The following EEA1 variants were observed in gnomAD, a reference collection of about 807,000 sequenced individuals.
The protein encoded by EEA1 is early endosome antigen 1, also known as early endosome antigen 1, 162kD.
Under a neutral mutation model 209.2 loss-of-function variants are expected in EEA1, and 111 were observed. The observed-to-expected ratio is 0.53, with a 90% CI of 0.45 to 0.62. The LOEUF is 0.62. EEA1 is among the 20% of genes least tolerant of loss of function. The probability of loss-of-function intolerance (pLI) is 0.00; values close to 1 mark genes in which losing one functional copy is unlikely to be tolerated. For missense variants in EEA1, 1,343 were observed against 1,530.8 expected, an observed-to-expected ratio of 0.88 and a Z score of 2.05; for synonymous variants, 536 against 540.6, an observed-to-expected ratio of 0.99 and a Z score of 0.12.
At chr12:92,887,287 A>T (rs1256486544) in intron 2 of EEA1, among the ~76,000 whole-genome samples, 3 of 152,126 alleles carry the variant, frequency 2.0e-5, no homozygotes, top group South Asian at 4.1e-4. Flanking sequence ...GGAAGTCAAG[A>T]CCAGCCTGCA....
chr12:92,800,825 T>C (rs1874875722), intron 20 of EEA1, among the ~76,000 whole-genome samples: 1 of 152,224 alleles, frequency 6.6e-6, no homozygotes, highest in South Asian at 2.1e-4. Context: ...GGATATAAAT[T>C]TGAACAATCT....
Position 92,852,253 on chromosome 12 carries a change from A to G in EEA1, c.564T>C (p.Ala188=), listed in dbSNP as rs1223231010. ...KYDEERSLRE[A]AEQKVTRLTE... is the part of the protein sequence containing the mutation. ...TCAGACGTGTCACTTTTTGTTCAGC[A>G]GCTTCTCGAAGACTCCTTTCTTCAT... The change falls in exon 8 of 29, where the codon GCT becomes GCC. Residue 188 remains alanine (A), a synonymous_variant. Transcript: ENST00000322349. 6.2e-7 allele frequency: 1 copy of G among 1,600,712 alleles called. No individual in the cohort carries two copies. Among genetic ancestry groups the G allele is most frequent in the Non-Finnish European group, 8.5e-7 (1 of 1,173,648 alleles).
At chr12:92,895,025 C>G (rs1232678563) in intron 1 of EEA1, among the ~76,000 whole-genome samples, 1 of 151,968 alleles carries the variant, frequency 6.6e-6, no homozygotes, top group East Asian at 1.9e-4. Context: ...TTATACCGTT[C>G]TGAAATTCCT....
At chr12:92,858,427 A>C in intron 3 of EEA1, 1 of 1,228,280 alleles carries the variant, frequency 8.1e-7, no homozygotes. Context: ...CAGTCACCAG[A>C]TATTTCTGAA....
At chr12:92,791,792 C>T (rs1874416534) in intron 21 of EEA1, among the ~76,000 whole-genome samples, 3 of 152,156 alleles carry the variant, frequency 2.0e-5, no homozygotes. Context: ...ATCTACAGAA[C>T]TCTCCACCCC....
chr12:92,857,104 T>C (rs888408168), intron 5 of EEA1, among the ~76,000 whole-genome samples, 171 bp downstream of exon 5: 1 of 151,968 alleles, frequency 6.6e-6, no homozygotes, highest in Non-Finnish European at 1.5e-5. Flanking sequence ...AAAAATTACA[T>C]CTTCACTCCT....
At chr12:92,860,523 A>T (rs1020451000) in intron 3 of EEA1, among the ~76,000 whole-genome samples, 2 of 152,160 alleles carry the variant, frequency 1.3e-5, no homozygotes, top group Non-Finnish European at 2.9e-5. Flanking sequence ...TATCACCTCA[A>T]ATGGCAGCTT....
chr12:92,909,863 T>C lies in EEA1; in HGVS notation c.25-18142A>G, dbSNP rs552456038. On this transcript the variant is annotated intron_variant, in intron 1 of 28. Coordinates refer to ENST00000322349, the MANE Select transcript of EEA1 (RefSeq NM_003566.4). ...GAGACCCCGCCTTAATAAATTTAGG[T>C]TGGGCACAGTGGCTCACGCCTGTAA... Among the ~76,000 whole-genome samples the C allele has an allele frequency of 5.3e-5, 8 of 151,596 alleles. No homozygotes were observed. The East Asian group carries it at 1.6e-3, about 30-fold the overall frequency.
chr12:92,779,399 G>GA, intron 24 of EEA1, 99 bp from the exon 25 acceptor site: 1 of 1,069,872 alleles, frequency 9.3e-7, no homozygotes, highest in Non-Finnish European at 1.3e-6. Flanking sequence ...ATCAAATATA[G>GA]GTTTTACCCA....
At chr12:92,887,809 A>T (rs1412751611) in intron 2 of EEA1, among the ~76,000 whole-genome samples, 2 of 152,166 alleles carry the variant, frequency 1.3e-5, no homozygotes, top group Admixed American at 6.5e-5. Flanking sequence ...GAGCATCTGT[A>T]TATCTAATCT....
intron 1 of EEA1, among the ~76,000 whole-genome samples, chr12:92,908,354 G>A (rs560775015): frequency 6.6e-6 from 1 of 152,272 alleles, no homozygotes; most frequent in East Asian, 1.9e-4. Flanking sequence ...ATTGTTTTAT[G>A]AGTATGGAGT....
intron 2 of EEA1, among the ~76,000 whole-genome samples, chr12:92,876,384 T>C (rs1878886644): frequency 2.0e-5 from 3 of 152,168 alleles, no homozygotes; most frequent in Admixed American, 2.0e-4. Context: ...AGTATGTTTT[T>C]ATTTTTGCCT....
At chr12:92,836,559 A>T (rs1876938993) in intron 10 of EEA1, among the ~76,000 whole-genome samples, 1 of 152,216 alleles carries the variant, frequency 6.6e-6, no homozygotes, top group Non-Finnish European at 1.5e-5. Context: ...GAGAATGAAC[A>T]AATTAAACTA....
At chr12:92,858,112 G>A (rs561381885) in intron 3 of EEA1, 1 of 536,448 alleles carries the variant, frequency 1.9e-6, no homozygotes. Context: ...TCCACTAGGT[G>A]TTCATTGAGA....
intron 21 of EEA1, among the ~76,000 whole-genome samples, chr12:92,793,439 G>A (rs1210661842): frequency 2.0e-5 from 3 of 152,118 alleles, no homozygotes; most frequent in African/African-American, 7.2e-5. Context: ...AAAGTCTCAG[G>A]ATACAAAATC....
At chr12:92,779,036 T>G in intron 25 of EEA1, 79 bp downstream of exon 25, 1 of 1,275,484 alleles carries the variant, frequency 7.8e-7, no homozygotes, top group Non-Finnish European at 1.1e-6. Context: ...CAATCAGATC[T>G]TATAAGTAGA....
At chr12:92,848,587 C>T (rs1877476195) in intron 9 of EEA1, among the ~76,000 whole-genome samples, 1 of 151,932 alleles carries the variant, frequency 6.6e-6, no homozygotes. Flanking sequence ...TCATAAAACA[C>T]TAAAAATTCT....
intron 17 of EEA1, among the ~76,000 whole-genome samples, chr12:92,810,827 C>T (rs1309336959): frequency 6.6e-6 from 1 of 151,878 alleles, no homozygotes; most frequent in Non-Finnish European, 1.5e-5. Context: ...TTATCATAGT[C>T]TCAATGTGTT....
chr12:92,899,121 G>C (rs1880045406), intron 1 of EEA1, among the ~76,000 whole-genome samples: 2 of 75,212 alleles, frequency 2.7e-5, no homozygotes, highest in Admixed American at 3.5e-4. Flanking sequence ...TGAATCTCTG[G>C]CCAAAGGCAA....
Sources: allele counts gnomAD v4.1 joint callset (sites outside exome capture counted in the v4.1 genomes callset), GRCh38; gene constraint gnomAD v4.1.1; transcripts MANE v1.5; gene names NCBI Gene and HGNC (gene_info 2026-07-23, HGNC 2026-07-21).